TINF2: variants seen among roughly 807,000 people sequenced by gnomAD.
The protein encoded by TINF2 is TERF1 interacting nuclear factor 2, also known as TERF1-interacting nuclear factor 2.
In TINF2, 27 loss-of-function variants were observed where a neutral mutation model predicts 50.4. The ratio of observed to expected loss-of-function variants is 0.54; its 90% CI spans 0.40 to 0.74. The LOEUF (loss-of-function observed/expected upper bound fraction) is 0.74, where lower values mean the gene tolerates loss of function less well. TINF2 is among the 30% of genes least tolerant of loss of function. The probability of loss-of-function intolerance (pLI) is 0.00; values close to 1 mark genes in which losing one functional copy is unlikely to be tolerated. For missense variants in TINF2, 496 were observed against 551.5 expected (o/e 0.90, Z 1.01); for synonymous variants, 223 against 214.6 (o/e 1.04, Z -0.34).
Position 24,240,064 on chromosome 14 carries a change from C to A in TINF2, c.1221G>T (p.Lys407Asn). ...CAGCTTTCTGCTCCTTCCCACTCAC[C>A]TTTCCTTCCCCCTGGCCATTTTCTT... ...DEEENGQGEG[K>N]ESLENYQKTK... The change falls in exon 8 of 9, where the codon AAG becomes AAT. Residue 407 changes from lysine (K) to asparagine (N), a missense_variant and splice_region_variant. Lys to Asn is a moderately conservative substitution (Grantham distance 94). This residue lies in a region of TINF2 where 179 missense variants were observed against 188.3 expected (regional missense o/e 0.95). Coordinates refer to ENST00000267415, the MANE Select transcript of TINF2 (RefSeq NM_001099274.3). The A allele has an allele frequency of 6.2e-7, 1 of 1,614,146 alleles. No homozygotes were observed. The highest frequency in any genetic ancestry group is 1.7e-5 in the Admixed American group (1 of 60,010).
intron 8 of TINF2, 64 bp from the exon 9 acceptor site, chr14:24,239,995 G>A: frequency 6.2e-7 from 1 of 1,614,158 alleles, no homozygotes; most frequent in Non-Finnish European, 8.5e-7. Context: ...TCTGAATTCT[G>A]AAGCATGTGG....
intron 1 of TINF2, 61 bp downstream of exon 1, chr14:24,242,080 C>T (rs1228067566): frequency 6.2e-7 from 1 of 1,613,996 alleles, no homozygotes; most frequent in Non-Finnish European, 8.5e-7. Context: ...GGGCCCTTGT[C>T]AGGTGCTCGC....
At position 24,240,108 on chromosome 14, in the gene TINF2, C is replaced by G; in HGVS notation, c.1177G>C (p.Val393Leu). The G allele has an allele frequency of 6.2e-7, 1 of 1,614,068 alleles. No homozygotes were observed. Among genetic ancestry groups the G allele is most frequent in the Non-Finnish European group, 8.5e-7 (1 of 1,180,028 alleles). The change falls in exon 8 of 9, where the codon GTT (valine) becomes CTT (leucine). Residue 393 changes from valine (V) to leucine (L), a missense_variant. Coordinates refer to ENST00000267415, the MANE Select transcript of TINF2 (RefSeq NM_001099274.3). ...TTTTCTTCCTCATCAGAGTCTAAAA[C>G]CAAGTCCCCTATGGTAATGACGGAG... ...CSSVITIGDL[V>L]LDSDEEENGQ...
upstream of TINF2, chr14:24,242,644 C>A (rs750286358): frequency 2.5e-6 from 3 of 1,214,944 alleles, no homozygotes; most frequent in Non-Finnish European, 3.1e-6. Flanking sequence ...CCGCTACTAG[C>A]TTCCCTTGCC....
chr14:24,241,723 C>T lies in TINF2; in HGVS notation c.351G>A (p.Gln117=). ...CAGGAGCCTCTGACAGCTGCTTCACCTGCTGGTAAAAAGTTTCCTGTGCCT... is the reference window on the plus strand; with the variant it reads ...CAGGAGCCTCTGACAGCTGCTTCACTTGCTGGTAAAAAGTTTCCTGTGCCT... ...ILEAQETFYQ[Q]VKQLSEAPVD... The change falls in exon 3 of 9, where the codon CAG becomes CAA. Residue 117 remains glutamine (Q), a synonymous_variant. Transcript: ENST00000267415. 1 of 1,613,432 alleles carries T rather than the reference C, an allele frequency of 6.2e-7. No individual in the cohort carries two copies. The highest frequency in any genetic ancestry group is 2.2e-5 in the East Asian group (1 of 44,896).
chr14:24,241,714 C>T lies in TINF2; in HGVS notation c.360G>A (p.Gln120=), dbSNP rs747152023. ...AQETFYQQVK[Q]LSEAPVDLAS... is the part of the protein sequence containing the mutation. ...CCAAATCCACAGGAGCCTCTGACAG[C>T]TGCTTCACCTGCTGGTAAAAAGTTT... Residue 120 remains glutamine (Q), a synonymous_variant, in exon 3 of 9, where the codon CAG becomes CAA. Coordinates refer to ENST00000267415, the MANE Select transcript of TINF2 (RefSeq NM_001099274.3). 6.8e-6 allele frequency: 11 copies of T among 1,613,144 alleles called. No individual in the cohort carries two copies. The highest frequency in any genetic ancestry group is 9.3e-6 in the Non-Finnish European group (11 of 1,179,546).
rs370555134 is a variant in TINF2, at chr14:24,240,796, G to A, written c.684C>T (p.His228=). ...NPPQQQRLAL[H]NPLPKAKPGT... ...CAGGCTTGGCTTTTGGCAGGGGATTGTGGAGTGCTAGTCTTTGTTGCTGAG... is the reference window on the plus strand; with the variant it reads ...CAGGCTTGGCTTTTGGCAGGGGATTATGGAGTGCTAGTCTTTGTTGCTGAG... Residue 228 remains histidine (H), a synonymous_variant, in exon 6 of 9, where the codon CAC becomes CAT. Transcript: ENST00000267415. The A allele has an allele frequency of 3.7e-5, 59 of 1,613,936 alleles. No individual in the cohort carries two copies. The highest frequency in any genetic ancestry group is 4.7e-5 in the Non-Finnish European group (56 of 1,180,040).
At chr14:24,241,405 G>A (rs1240703607) in intron 3 of TINF2, 94 bp from the exon 4 acceptor site, 9 of 1,281,578 alleles carry the variant, frequency 7.0e-6, no homozygotes, top group African/African-American at 2.9e-5. Context: ...CGAGGTGGGC[G>A]GATCACTTGA....
At position 24,241,315 on chromosome 14, in the gene TINF2, C is replaced by T. The variant is rs1566368389; in HGVS notation, c.400-4G>A. 1.2e-6 allele frequency: 2 copies of T among 1,612,168 alleles called. No individual in the cohort carries two copies. Among genetic ancestry groups the T allele is most frequent in the Admixed American group, 3.3e-5 (2 of 59,998 alleles). On this transcript the variant is annotated splice_region_variant and splice_polypyrimidine_tract_variant and intron_variant, in intron 3 of 8. Transcript: ENST00000267415. ...CCCCATACTCTTGTTCAAGTTCCTA[C>T]AGCAGGGGAGATTAGGTCAAAAGTG...
In TINF2 at chr14:24,240,454, C is replaced by G; in HGVS notation, c.1026G>C (p.Glu342Asp). The G allele has an allele frequency of 6.2e-7, 1 of 1,614,214 alleles. No homozygotes were observed. The highest frequency in any genetic ancestry group is 8.5e-7 in the Non-Finnish European group (1 of 1,180,038). ...CQTLGGRALK[E>D]NPVDLPATEQ... ...CTGTGGCAGGCAAGTCAACTGGGTTCTCCTTCAGAGCCCTTCCCCCCAGGG... is the reference window on the plus strand; with the variant it reads ...CTGTGGCAGGCAAGTCAACTGGGTTGTCCTTCAGAGCCCTTCCCCCCAGGG... The change falls in exon 6 of 9, where the codon GAG becomes GAC. Residue 342 changes from glutamate (E) to aspartate (D), a missense_variant. Physicochemically the swap from Glu to Asp is conservative, Grantham distance 45. Around this residue, in one of 3 missense-constraint regions of TINF2, gnomAD observed 179 missense variants for 188.3 expected, o/e 0.95. Transcript: ENST00000267415.
chr14:24,240,857 G>A lies in TINF2; in HGVS notation c.623C>T (p.Ser208Leu). The A allele has an allele frequency of 3.1e-6, 5 of 1,614,026 alleles. No individual in the cohort carries two copies. The highest frequency in any genetic ancestry group is 4.2e-6 in the Non-Finnish European group (5 of 1,180,034). ...WLLPECSVTD[S>L]VNLAEPMEQN... The stretch of plus-strand genomic sequence containing the variant: ...TTCCATGGGCTCAGCCAGGTTCACT[G>A]AGTCAGTAACAGAGCACTCTGAAAA... Residue 208 changes from serine to leucine, a missense_variant, in exon 6 of 9, where the codon TCA becomes TTA. Coordinates refer to ENST00000267415, the MANE Select transcript of TINF2 (RefSeq NM_001099274.3).
In TINF2 at chr14:24,242,275, A is replaced by C; in HGVS notation, c.58T>G (p.Trp20Gly). 1 of 1,614,036 alleles carries C rather than the reference A, an allele frequency of 6.2e-7. No individual in the cohort carries two copies. The highest frequency in any genetic ancestry group is 8.5e-7 in the Non-Finnish European group (1 of 1,180,028). The part of the protein sequence containing the change: ...AALRFAAAAS[W>G]QVVRGRCVEH... ...ACGCAGCGTCCGCGCACAACCTGCC[A>C]GCTAGCCGCGGCGGCGAAGCGTAGA... Residue 20 changes from tryptophan to glycine, a missense_variant, in exon 1 of 9, where the codon TGG (tryptophan) becomes GGG (glycine). Around this residue, in one of 3 missense-constraint regions of TINF2, gnomAD observed 314 missense variants for 343.8 expected, o/e 0.91. Transcript: ENST00000267415.
chr14:24,242,428 T>A lies in TINF2; in HGVS notation c.-96A>T. On this transcript the variant is annotated 5_prime_UTR_variant, in exon 1 of 9. Transcript: ENST00000267415. ...TCCTAGGGGCGGGGCTTCTGGCAACTCCCTGTCGCTCCGGTCTGTCGGCTC... is the reference window on the plus strand; with the variant it reads ...TCCTAGGGGCGGGGCTTCTGGCAACACCCTGTCGCTCCGGTCTGTCGGCTC... 6.8e-7 allele frequency: 1 copy of A among 1,473,730 alleles called. No homozygotes were observed. The highest frequency in any genetic ancestry group is 8.9e-7 in the Non-Finnish European group (1 of 1,119,262). The allele number at this position is 1,473,730 out of a possible 1,614,324, so 91.3% of individuals were successfully genotyped here.
rs914423951 is a variant in TINF2, at chr14:24,241,010, T to C, written c.604+10A>G. On this transcript the variant is annotated intron_variant, in intron 5 of 8. Transcript: ENST00000267415. ...TCAGGCTAAACACTACACCTCCAAA[T>C]TCCTAGTACCTGGAAGCAGCCACCC... 1.9e-6 allele frequency: 3 copies of C among 1,614,166 alleles called. No individual in the cohort carries two copies. Among genetic ancestry groups the C allele is most frequent in the Middle Eastern group, 1.6e-4 (1 of 6,062 alleles).
At chr14:24,241,167 CCA>C (rs772427487) in intron 4 of TINF2, 35 bp downstream of exon 4, 2 of 1,614,078 alleles carry the variant, frequency 1.2e-6, no homozygotes, top group Non-Finnish European at 1.7e-6. Context: ...AACAGCCACC[CCA>C]CACTCTGCCC....
At chr14:24,241,524 G>GGAGAATCGCTT in intron 3 of TINF2, 151 bp downstream of exon 3, 1 of 812,790 alleles carries the variant, frequency 1.2e-6, no homozygotes, top group South Asian at 1.5e-5. Context: ...GGCTGAGGCA[G>GGAGAATCGCTT]GAGAATCGCT....
At position 24,240,541 on chromosome 14, in the gene TINF2, T is replaced by C. The variant is rs781277991; in HGVS notation, c.939A>G (p.Thr313=). 1.9e-6 allele frequency: 3 copies of C among 1,614,202 alleles called. No homozygotes were observed. The South Asian group carries it at 3.3e-5, about 18-fold the overall frequency. The change falls in exon 6 of 9, where the codon ACA becomes ACG. Residue 313 remains threonine (T), a synonymous_variant. Transcript: ENST00000267415. The part of the protein sequence containing the change: ...PESKEEHAIY[T]ADLAMGTRAA... ...CTCTTGTGCCCATGGCTAGGTCTGC[T>C]GTGTATATCGCATGTTCTTCCTTGC...
Position 24,241,710 on chromosome 14 carries a change from A to T in TINF2, c.364T>A (p.Ser122Thr), listed in dbSNP as rs776604725. ...GAGGCCAAATCCACAGGAGCCTCTG[A>T]CAGCTGCTTCACCTGCTGGTAAAAA... ...ETFYQQVKQL[S>T]EAPVDLASKL... is the part of the protein sequence containing the mutation. Residue 122 changes from serine (S) to threonine (T), a missense_variant, in exon 3 of 9, where the codon TCA becomes ACA. Around this residue, in one of 3 missense-constraint regions of TINF2, gnomAD observed 314 missense variants for 343.8 expected, o/e 0.91. Transcript: ENST00000267415. 2.5e-6 allele frequency: 4 copies of T among 1,612,982 alleles called. No homozygotes were observed. The highest frequency in any genetic ancestry group is 3.4e-6 in the Non-Finnish European group (4 of 1,179,542).
chr14:24,240,078 G>C lies in TINF2; in HGVS notation c.1207C>G (p.Gln403Glu). The C allele has an allele frequency of 6.2e-7, 1 of 1,613,888 alleles. No homozygotes were observed. Residue 403 changes from glutamine (Q) to glutamate (E), a missense_variant, in exon 8 of 9, where the codon CAG becomes GAG. Physicochemically the swap from Gln to Glu is conservative, Grantham distance 29. This residue lies in a region of TINF2 where 179 missense variants were observed against 188.3 expected (regional missense o/e 0.95). Coordinates refer to ENST00000267415, the MANE Select transcript of TINF2 (RefSeq NM_001099274.3). Reference sequence around the variant, plus strand: ...TTCCCACTCACCTTTCCTTCCCCCTGGCCATTTTCTTCCTCATCAGAGTCT... The same window carrying C: ...TTCCCACTCACCTTTCCTTCCCCCTCGCCATTTTCTTCCTCATCAGAGTCT... ...VLDSDEEENG[Q>E]GEGKESLENY... is the part of the protein sequence containing the mutation.
Sources: allele counts gnomAD v4.1 joint callset, GRCh38; gene constraint gnomAD v4.1.1; regional missense constraint gnomAD v4.1.1; transcripts MANE v1.5; gene names NCBI Gene and HGNC (gene_info 2026-07-23, HGNC 2026-07-21).